The following MSH3 variants were observed in gnomAD, a reference collection of about 807,000 sequenced individuals.
The protein encoded by MSH3 is DNA mismatch repair protein Msh3.
A neutral mutation model predicts 123.3 loss-of-function variants in MSH3; 106 were observed. That is an observed-to-expected ratio of 0.86 (90% CI 0.73 to 1.01). The LOEUF is 1.01. MSH3 is among the 50% of genes least tolerant of loss of function. The pLI is 0.00. For missense variants in MSH3, 1,459 were observed against 1,347.6 expected, an observed-to-expected ratio of 1.08 and a Z score of -1.29; for synonymous variants, 515 against 481.4, an observed-to-expected ratio of 1.07 and a Z score of -0.91.
At chr5:80,669,974 T>A (rs1429171987) in intron 3 of MSH3, 123 bp from the exon 4 acceptor site, 1 of 873,852 alleles carries the variant, frequency 1.1e-6, no homozygotes, top group Non-Finnish European at 1.8e-6. Context: ...ACAATGTGCT[T>A]CTATAAACTT....
In MSH3 at chr5:80,767,119, A is replaced by G. The variant is rs191357762; in HGVS notation, c.1897-814A>G. Reference sequence around the variant, plus strand: ...TACTACACTGCATGAGTTTTTCCCAATAAGATCCCAATTGATGGACATTTA... The same window carrying G: ...TACTACACTGCATGAGTTTTTCCCAGTAAGATCCCAATTGATGGACATTTA... On this transcript the variant is annotated intron_variant, in intron 13 of 23. Transcript: ENST00000265081. 1.7e-3 allele frequency among the ~76,000 whole-genome samples: 264 copies of G among 152,296 alleles called. 2 individuals carry two copies. The highest frequency in any genetic ancestry group is 6.0e-3 in the African/African-American group (251 of 41,574).
At chr5:80,772,170 A>G (rs1744224483) in intron 15 of MSH3, among the ~76,000 whole-genome samples, 1 of 152,148 alleles carries the variant, frequency 6.6e-6, no homozygotes, top group Non-Finnish European at 1.5e-5. Context: ...TATTATTATT[A>G]TTACTAAGGG....
rs1482269928 is a variant in MSH3, at chr5:80,743,563, G to A, written c.1654-943G>A. ...AAAAAAGAAAGGATTAAAAAAACCCGGCCGGGCGCGGTGGCTCACGCCTGT... is the reference window on the plus strand; with the variant it reads ...AAAAAAGAAAGGATTAAAAAAACCCAGCCGGGCGCGGTGGCTCACGCCTGT... On this transcript the variant is annotated intron_variant, in intron 11 of 23. Coordinates refer to ENST00000265081, the MANE Select transcript of MSH3 (RefSeq NM_002439.5). 2.2e-4 allele frequency among the ~76,000 whole-genome samples: 2 copies of A among 9,040 alleles called. 1 individual carries two copies. 5.9% of individuals were successfully genotyped at this position (9,040 alleles called of 152,430 possible).
At chr5:80,831,536 C>T (rs1476123684) in intron 20 of MSH3, among the ~76,000 whole-genome samples, 1 of 152,112 alleles carries the variant, frequency 6.6e-6, no homozygotes, top group East Asian at 1.9e-4. Flanking sequence ...ATGGTGCCTA[C>T]ATATCTTTTA....
intron 8 of MSH3, among the ~76,000 whole-genome samples, chr5:80,719,396 T>C (rs1046230194): frequency 2.0e-5 from 3 of 152,156 alleles, no homozygotes; most frequent in Non-Finnish European, 4.4e-5. Context: ...AGGCTATTTA[T>C]TGGATAGGTC....
intron 21 of MSH3, among the ~76,000 whole-genome samples, chr5:80,856,514 G>A (rs1580093336): frequency 1.5e-5 from 2 of 131,506 alleles, no homozygotes; most frequent in African/African-American, 2.9e-5. Flanking sequence ...GAACACATGG[G>A]CACAGGAAGG....
At chr5:80,757,014 C>G (rs1012933962) in intron 12 of MSH3, among the ~76,000 whole-genome samples, 9 of 152,060 alleles carry the variant, frequency 5.9e-5, no homozygotes, top group Admixed American at 1.3e-4. Context: ...TTCAGTAAAA[C>G]GAAACCAAAC....
Position 80,784,229 on chromosome 5 carries a change from A to G in MSH3, c.2436-3336A>G, listed in dbSNP as rs1408527411. Among the ~76,000 whole-genome samples, 8 of 138,230 alleles carry G rather than the reference A, an allele frequency of 5.8e-5. 3 individuals are homozygous for G. Among genetic ancestry groups the G allele is most frequent in the African/African-American group, 2.4e-4 (8 of 33,590 alleles). 90.7% of individuals were successfully genotyped at this position (138,230 alleles called of 152,430 possible). ...CTACGTCGCAAAAAAAAAAAAAAAA[A>G]AAAAAAAAAAGGGAAATAAATAAAT... On this transcript the variant is annotated intron_variant, in intron 17 of 23. Transcript: ENST00000265081.
At chr5:80,797,879 G>A (rs887784548) in intron 19 of MSH3, among the ~76,000 whole-genome samples, 2 of 152,174 alleles carry the variant, frequency 1.3e-5, no homozygotes, top group South Asian at 4.1e-4. Context: ...GGCAGCCCAG[G>A]ACTGCTGCTT....
chr5:80,663,844 G>A (rs1189885212), intron 2 of MSH3, among the ~76,000 whole-genome samples: 2 of 152,102 alleles, frequency 1.3e-5, no homozygotes, highest in Non-Finnish European at 1.5e-5. Context: ...CACAGGGTGG[G>A]AGTGGGCCCT....
chr5:80,821,687 G>A (rs975225232), intron 20 of MSH3, among the ~76,000 whole-genome samples: 11 of 152,202 alleles, frequency 7.2e-5, no homozygotes, highest in African/African-American at 2.7e-4. Flanking sequence ...CTGCCACAGG[G>A]CCTGTGTCCC....
chr5:80,741,248 G>A (rs1424364515), intron 10 of MSH3, among the ~76,000 whole-genome samples: 4 of 151,362 alleles, frequency 2.6e-5, no homozygotes. Flanking sequence ...TTTTTTGTTA[G>A]AGTAACTATC....
At chr5:80,823,685 T>TTTTTG (rs1216499151) in intron 20 of MSH3, among the ~76,000 whole-genome samples, 30 of 152,330 alleles carry the variant, frequency 2.0e-4, no homozygotes, top group South Asian at 6.2e-4. Flanking sequence ...CAGAAATCTT[T>TTTTTG]TTTTGTTTTG....
At chr5:80,800,326 A>T (rs912451161) in intron 19 of MSH3, among the ~76,000 whole-genome samples, 1 of 152,200 alleles carries the variant, frequency 6.6e-6, no homozygotes, top group Non-Finnish European at 1.5e-5. Flanking sequence ...GTGCTAGCCC[A>T]GCTTTGGGCA....
chr5:80,837,446 G>A lies in MSH3; in HGVS notation c.2814-16684G>A, dbSNP rs113936441. The stretch of plus-strand genomic sequence containing the variant: ...ATACAAAAATTAGCCAGGCATGGTG[G>A]TGCACGCCTGTGGTCCCAGCTACTC... On this transcript the variant is annotated intron_variant, in intron 20 of 23. Coordinates refer to ENST00000265081, the MANE Select transcript of MSH3 (RefSeq NM_002439.5). 1.8e-4 allele frequency among the ~76,000 whole-genome samples: 28 copies of A among 152,226 alleles called. No individual in the cohort carries two copies. In the East Asian group the frequency reaches 4.1e-3, roughly 22 times the overall value.
chr5:80,668,521 C>A (rs1157937870), intron 3 of MSH3, among the ~76,000 whole-genome samples: 3 of 152,174 alleles, frequency 2.0e-5, no homozygotes, highest in African/African-American at 7.2e-5. Flanking sequence ...GGGGCCGAGG[C>A]AGCAGGGGGC....
chr5:80,726,616 G>A (rs565686543), intron 9 of MSH3, among the ~76,000 whole-genome samples: 2 of 152,162 alleles, frequency 1.3e-5, no homozygotes, highest in South Asian at 2.1e-4. Context: ...ACAGGCGTGC[G>A]CCACCACACC....
At chr5:80,738,841 T>A (rs1187823131) in intron 10 of MSH3, among the ~76,000 whole-genome samples, 1 of 152,230 alleles carries the variant, frequency 6.6e-6, no homozygotes, top group Non-Finnish European at 1.5e-5. Context: ...GTGATTAGGT[T>A]ATGAGGGCAG....
At chr5:80,774,637 G>T (rs1287102549) in intron 15 of MSH3, among the ~76,000 whole-genome samples, 2 of 152,116 alleles carry the variant, frequency 1.3e-5, no homozygotes, top group Admixed American at 6.6e-5. Context: ...CCATAAAAAA[G>T]AATGAGATCC....
Sources: allele counts gnomAD v4.1 joint callset (sites outside exome capture counted in the v4.1 genomes callset), GRCh38; gene constraint gnomAD v4.1.1; transcripts MANE v1.5; gene names NCBI Gene and HGNC (gene_info 2026-07-23, HGNC 2026-07-21).